Variants in ARHGEF18 observed in about 807,000 individuals in gnomAD.
ARHGEF18 encodes the protein Rho/Rac guanine nucleotide exchange factor 18.
ARHGEF18 carries 93 observed loss-of-function variants against 155.7 expected under a neutral mutation model. That is an observed-to-expected ratio of 0.60 (90% CI 0.50 to 0.71). The LOEUF (loss-of-function observed/expected upper bound fraction) is 0.71, where lower values mean the gene tolerates loss of function less well. ARHGEF18 is among the 30% of genes least tolerant of loss of function. The probability of loss-of-function intolerance (pLI) is 0.00; values close to 1 mark genes in which losing one functional copy is unlikely to be tolerated. For synonymous variants in ARHGEF18, 742 were observed against 753.1 expected, an observed-to-expected ratio of 0.99 and a Z score of 0.24; for missense variants, 1,593 against 1,816.1, an observed-to-expected ratio of 0.88 and a Z score of 2.23.
chr19:7,454,824 G>A (rs563697929), intron 17 of ARHGEF18, among the ~76,000 whole-genome samples: 1 of 152,088 alleles, frequency 6.6e-6, no homozygotes, highest in South Asian at 2.1e-4. Flanking sequence ...TTCCAAACAC[G>A]CTCAGCTGCC....
chr19:7,440,077 C>G lies in ARHGEF18; in HGVS notation c.968-267C>G. ...GGCGCAGCCCAGCCTGGCGCCGCGC[C>G]GGGTCCCGGAGCCCCGGGCGCGAAC... On this transcript the variant is annotated intron_variant, in intron 10 of 28. Coordinates refer to ENST00000668164, the MANE Select transcript of ARHGEF18 (RefSeq NM_001367823.1). The surrounding 1 kb of genome is among the most constrained non-coding windows in gnomAD (Gnocchi z 5.4). The G allele has an allele frequency of 6.4e-7, 1 of 1,550,498 alleles. No homozygotes were observed. Among genetic ancestry groups the G allele is most frequent in the Non-Finnish European group, 8.7e-7 (1 of 1,146,582 alleles).
chr19:7,433,541 G>C (rs1165776016), intron 10 of ARHGEF18, among the ~76,000 whole-genome samples: 3 of 148,000 alleles, frequency 2.0e-5, no homozygotes, highest in Non-Finnish European at 4.5e-5. Flanking sequence ...AAGTGTATCA[G>C]GTTTTCTTGG....
Position 7,463,383 on chromosome 19 carries a change from T to C in ARHGEF18, c.2636-435T>C, listed in dbSNP as rs1039715842. 2.8e-4 allele frequency among the ~76,000 whole-genome samples: 42 copies of C among 152,314 alleles called. No individual in the cohort carries two copies. The highest frequency in any genetic ancestry group is 9.1e-4 in the African/African-American group (38 of 41,572). ...AGCCTGTTGGTCCTAGAGGGCTTTC[T>C]GTAGACAGCCCTTCCCCACAAAGTC... On this transcript the variant is annotated intron_variant, in intron 21 of 28. Coordinates refer to ENST00000668164, the MANE Select transcript of ARHGEF18 (RefSeq NM_001367823.1). The surrounding 1 kb of genome is among the most constrained non-coding windows in gnomAD (Gnocchi z 5.2).
intron 2 of ARHGEF18, among the ~76,000 whole-genome samples, chr19:7,368,988 T>C (rs1370889805): frequency 6.6e-6 from 1 of 151,612 alleles, no homozygotes; most frequent in Non-Finnish European, 1.5e-5. Context: ...AAAGGAGAGA[T>C]TCAAGAAGGC....
At chr19:7,364,390 A>AAGGAAGGG (rs1555698657) in intron 2 of ARHGEF18, among the ~76,000 whole-genome samples, 31 of 147,120 alleles carry the variant, frequency 2.1e-4, no homozygotes, top group African/African-American at 7.3e-4. Flanking sequence ...GGAAGGAAGG[A>AAGGAAGGG]AGGAAGGAAG....
chr19:7,451,042 C>G, intron 15 of ARHGEF18, 107 bp from the exon 16 acceptor site: 4 of 1,027,842 alleles, frequency 3.9e-6, no homozygotes, highest in Non-Finnish European at 6.1e-6. Context: ...CTGTCCATTT[C>G]CGAGATGTTA....
intron 7 of ARHGEF18, among the ~76,000 whole-genome samples, chr19:7,380,517 T>TAA (rs994349402): frequency 1.4e-5 from 2 of 145,374 alleles, no homozygotes; most frequent in Non-Finnish European, 3.0e-5. Flanking sequence ...AGTACTTGGT[T>TAA]AAAAAAAAAA....
chr19:7,477,450 AG>A, downstream of ARHGEF18: 1 of 1,419,688 alleles, frequency 7.0e-7, no homozygotes, highest in African/African-American at 1.5e-5. Flanking sequence ...TGGGGCAGAG[AG>A]GGGCCGCTTA....
chr19:7,368,734 G>A (rs1203591567), intron 2 of ARHGEF18, among the ~76,000 whole-genome samples: 2 of 152,138 alleles, frequency 1.3e-5, no homozygotes, highest in Admixed American at 6.6e-5. Flanking sequence ...CGGGGGCTGC[G>A]ACAGAAAAGA....
Position 7,469,105 on chromosome 19 carries a change from G to A in ARHGEF18, c.3761G>A (p.Arg1254Lys). Residue 1254 changes from arginine (R) to lysine (K), a missense_variant, in exon 27 of 29, where the codon AGG becomes AAG. Transcript: ENST00000668164. ...KGGKDKGGKS[R>K]GSQRWESSAS... The stretch of plus-strand genomic sequence containing the variant: ...GGCAAGGACAAGGGCGGCAAGAGCA[G>A]GGGCTCTCAGCGCTGGGAGAGCTCA... 6.2e-7 allele frequency: 1 copy of A among 1,606,128 alleles called. No homozygotes were observed. Among genetic ancestry groups the A allele is most frequent in the South Asian group, 1.1e-5 (1 of 89,884 alleles).
intron 2 of ARHGEF18, among the ~76,000 whole-genome samples, chr19:7,371,233 T>G (rs1970192296): frequency 1.3e-5 from 2 of 151,648 alleles, no homozygotes; most frequent in Admixed American, 1.3e-4. Context: ...AGTAGAAAGG[T>G]GGGTGCCAGG....
chr19:7,350,481 A>G (rs1969127138), intron 1 of ARHGEF18, among the ~76,000 whole-genome samples: 1 of 152,204 alleles, frequency 6.6e-6, no homozygotes, highest in Non-Finnish European at 1.5e-5. Flanking sequence ...TGGTAGAGGC[A>G]GCCTTTTCAT....
intron 10 of ARHGEF18, among the ~76,000 whole-genome samples, chr19:7,399,048 C>A (rs942173069): frequency 6.6e-6 from 1 of 152,176 alleles, no homozygotes; most frequent in Admixed American, 6.6e-5. Flanking sequence ...TTTGCTGCCA[C>A]CTCTCTGAAA....
chr19:7,462,400 G>A lies in ARHGEF18; in HGVS notation c.2635+66G>A. 1 of 1,477,708 alleles carries A rather than the reference G, an allele frequency of 6.8e-7. No homozygotes were observed. Among genetic ancestry groups the A allele is most frequent in the Non-Finnish European group, 9.0e-7 (1 of 1,114,842 alleles). 91.5% of individuals were successfully genotyped at this position (1,477,708 alleles called of 1,614,324 possible). A position where few individuals can be genotyped will look rare whatever the true frequency, so the allele number is the denominator to read the frequency against. ...GGGTGGGCTCCTCAGGGAACCCCAG[G>A]CCAGGCTCACGGCTCATTGTGGCCG... On this transcript the variant is annotated intron_variant, in intron 21 of 28. Transcript: ENST00000668164. This position sits in a 1 kb window ranked among gnomAD's most constrained non-coding sequence, Gnocchi z 4.4.
At chr19:7,478,392 C>A in the ARHGEF18 span, 1 of 1,604,362 alleles carries the variant, frequency 6.2e-7, no homozygotes, top group East Asian at 2.2e-5. Context: ...GCACCAGAGC[C>A]CGAGGGAGGA....
downstream of ARHGEF18, among the ~76,000 whole-genome samples, chr19:7,476,092 C>G (rs1173582027): frequency 2.0e-5 from 3 of 152,208 alleles, no homozygotes; most frequent in East Asian, 5.8e-4. Context: ...AGGCAGCTCA[C>G]TTGAAGCCAG....
chr19:7,477,426 G>A (rs1003026572), downstream of ARHGEF18: 72 of 1,450,836 alleles, frequency 5.0e-5, 1 homozygote, highest in East Asian at 9.6e-4. Context: ...CGCTTGCCCC[G>A]GGGCAGCGGG....
chr19:7,477,410 G>A, downstream of ARHGEF18: 2 of 1,489,730 alleles, frequency 1.3e-6, no homozygotes, highest in South Asian at 2.7e-5. Context: ...CGCCTCCATG[G>A]CCCTCCGCTT....
In ARHGEF18 at chr19:7,395,202, T is replaced by C; in HGVS notation, c.967+11999T>C. 1.0e-6 allele frequency: 1 copy of C among 985,774 alleles called. No homozygotes were observed. The highest frequency in any genetic ancestry group is 4.7e-5 in the South Asian group (1 of 21,298). The allele number at this position is 985,774 out of a possible 1,614,324, so 61.1% of individuals were successfully genotyped here. A position where few individuals can be genotyped will look rare whatever the true frequency, so the allele number is the denominator to read the frequency against. ...GAGGCATCGGAGGCGGCTGCGAGAG[T>C]GGCAGAGGAGCTGGCGGAGAGCGGC... On this transcript the variant is annotated intron_variant, in intron 10 of 28. Transcript: ENST00000668164. This position sits in a 1 kb window ranked among gnomAD's most constrained non-coding sequence, Gnocchi z 5.0.
Sources: gnomAD v4.1 joint callset for allele counts (sites outside exome capture counted in the v4.1 genomes callset) on GRCh38, gnomAD v4.1.1 for gene constraint, Gnocchi (gnomAD v3.1) non-coding constraint, MANE v1.5 for transcripts, NCBI Gene and HGNC (gene_info 2026-07-23, HGNC 2026-07-21) for gene names.